KCNC2: variants seen among roughly 807,000 people sequenced by gnomAD.
The protein encoded by KCNC2 is voltage-gated potassium channel KCNC2.
KCNC2 carries 21 observed loss-of-function variants against 44.5 expected under a neutral mutation model. That is an observed-to-expected ratio of 0.47 (90% CI 0.33 to 0.68). The LOEUF is 0.68. Ranked by LOEUF, KCNC2 falls within the 30% of genes least tolerant of loss-of-function variation. The pLI is 0.01. For missense variants in KCNC2, 589 were observed against 826.2 expected, an observed-to-expected ratio of 0.71 and a Z score of 3.52; for synonymous variants, 391 against 339.1, an observed-to-expected ratio of 1.15 and a Z score of -1.68.
intron 2 of KCNC2, among the ~76,000 whole-genome samples, chr12:75,124,655 A>G (rs544810370): frequency 6.6e-6 from 1 of 152,182 alleles, no homozygotes; most frequent in Non-Finnish European, 1.5e-5. Context: ...CAGACTCATA[A>G]AATTTAAAAT....
intron 2 of KCNC2, among the ~76,000 whole-genome samples, chr12:75,119,634 T>TAAA (rs1887914241): frequency 6.6e-6 from 1 of 152,190 alleles, no homozygotes; most frequent in Non-Finnish European, 1.5e-5. Flanking sequence ...GTAAAGACTC[T>TAAA]TGCCCCAGAG....
At chr12:75,192,147 A>G (rs1565682485) in intron 2 of KCNC2, among the ~76,000 whole-genome samples, 1 of 152,196 alleles carries the variant, frequency 6.6e-6, no homozygotes, top group African/African-American at 2.4e-5. Flanking sequence ...GGATATTTCT[A>G]ATTTATTAAA....
At chr12:75,171,231 A>G (rs2137580465) in intron 2 of KCNC2, among the ~76,000 whole-genome samples, 1 of 151,926 alleles carries the variant, frequency 6.6e-6, no homozygotes, top group East Asian at 1.9e-4. Context: ...TACTTCGGCA[A>G]AATCCCTTCA....
intron 2 of KCNC2, among the ~76,000 whole-genome samples, chr12:75,205,454 A>C (rs536650686): frequency 6.6e-6 from 1 of 152,296 alleles, no homozygotes; most frequent in African/African-American, 2.4e-5. Context: ...GAAATATCGT[A>C]GTAAATGCTT....
chr12:75,159,262 G>T (rs1003532983), intron 2 of KCNC2, among the ~76,000 whole-genome samples: 1 of 151,600 alleles, frequency 6.6e-6, no homozygotes, highest in Non-Finnish European at 1.5e-5. Flanking sequence ...AGAATTTAAA[G>T]TATAATAAAA....
chr12:75,097,606 T>C (rs1234510413), intron 2 of KCNC2, among the ~76,000 whole-genome samples: 11 of 152,132 alleles, frequency 7.2e-5, no homozygotes, highest in Non-Finnish European at 1.3e-4. Context: ...TCTATTTTTC[T>C]ATTTTCTAAA....
chr12:75,142,044 T>C lies in KCNC2; in HGVS notation c.687+65253A>G, dbSNP rs2137409717. On this transcript the variant is annotated intron_variant, in intron 2 of 4. Coordinates refer to ENST00000549446, the MANE Select transcript of KCNC2 (RefSeq NM_139137.4). ...TACGCAAGTAGTAAGAGGGAATACC[T>C]GAATTCAAATTCAGGTCAGACTCTA... Among the ~76,000 whole-genome samples, 2 of 152,286 alleles carry C rather than the reference T, an allele frequency of 1.3e-5. 1 individual carries two copies. Among genetic ancestry groups the C allele is most frequent in the South Asian group, 4.1e-4 (2 of 4,830 alleles).
intron 2 of KCNC2, among the ~76,000 whole-genome samples, chr12:75,119,315 T>C (rs1468344406): frequency 1.3e-5 from 2 of 152,172 alleles, no homozygotes. Context: ...ATGTAGGTTT[T>C]GTTTAAAATG....
At chr12:75,131,356 A>T (rs1299519753) in intron 2 of KCNC2, among the ~76,000 whole-genome samples, 1 of 152,192 alleles carries the variant, frequency 6.6e-6, no homozygotes, top group Non-Finnish European at 1.5e-5. Flanking sequence ...CTTTTAAAAA[A>T]TTGTTGGATG....
At chr12:75,043,332 T>G in intron 4 of KCNC2, 91 bp from the exon 5 acceptor site, 1 of 1,502,122 alleles carries the variant, frequency 6.7e-7, no homozygotes, top group South Asian at 1.4e-5. Flanking sequence ...AAGTGCTACT[T>G]TCAAGCTCAA....
rs187621672 is a variant in KCNC2 at position 75,206,407 on chromosome 12, T to A, written c.687+890A>T. Among the ~76,000 whole-genome samples the A allele has an allele frequency of 1.6e-4, 25 of 152,340 alleles. No homozygotes were observed. The East Asian group carries it at 4.8e-3, about 29-fold the overall frequency. ...ATTGGTTACTTTTATAATCTCTTCA[T>A]GAGATTTTGAAGAATTAATTGGGAA... On this transcript the variant is annotated intron_variant, in intron 2 of 4. Transcript: ENST00000549446.
intron 2 of KCNC2, among the ~76,000 whole-genome samples, chr12:75,118,601 A>G (rs927209304): frequency 6.6e-6 from 1 of 152,126 alleles, no homozygotes; most frequent in African/African-American, 2.4e-5. Flanking sequence ...GTGAGGAAGC[A>G]GTAGTTTTTA....
intron 2 of KCNC2, among the ~76,000 whole-genome samples, chr12:75,190,147 G>C (rs1049442640): frequency 5.9e-5 from 9 of 152,084 alleles, no homozygotes; most frequent in Non-Finnish European, 1.0e-4. Context: ...AATTGAAAAA[G>C]AAACTTAAAT....
intron 2 of KCNC2, among the ~76,000 whole-genome samples, chr12:75,059,363 G>T (rs1043092945): frequency 3.3e-5 from 5 of 151,942 alleles, no homozygotes; most frequent in Admixed American, 3.3e-4. Context: ...AATATTTCTT[G>T]CCTTTTTCAC....
chr12:75,179,759 A>G (rs201249335), intron 2 of KCNC2, among the ~76,000 whole-genome samples: 1 of 84,544 alleles, frequency 1.2e-5, no homozygotes, highest in Non-Finnish European at 2.9e-5. Context: ...ATCTTTTATA[A>G]AAACTATAAA....
At chr12:75,188,810 G>T (rs369664384) in intron 2 of KCNC2, among the ~76,000 whole-genome samples, 16 of 151,862 alleles carry the variant, frequency 1.1e-4, no homozygotes, top group East Asian at 3.9e-4. Flanking sequence ...AGTGAACCGA[G>T]ATCATGCCAC....
intron 2 of KCNC2, among the ~76,000 whole-genome samples, chr12:75,057,402 G>T (rs1158728570): frequency 1.3e-5 from 2 of 151,924 alleles, no homozygotes; most frequent in Non-Finnish European, 2.9e-5. Context: ...TCCACTGTCT[G>T]GTCTGCTGGT....
chr12:75,083,479 T>C (rs577685136), intron 2 of KCNC2, among the ~76,000 whole-genome samples: 1 of 152,006 alleles, frequency 6.6e-6, no homozygotes, highest in South Asian at 2.1e-4. Context: ...GAATAACACA[T>C]TAGAAAACAT....
intron 2 of KCNC2, among the ~76,000 whole-genome samples, chr12:75,068,756 T>C (rs561581027): frequency 9.2e-5 from 14 of 152,258 alleles, no homozygotes; most frequent in Admixed American, 3.9e-4. Flanking sequence ...AAATGGGAAG[T>C]AATCAATGAC....
Sources: allele counts gnomAD v4.1 joint callset (sites outside exome capture counted in the v4.1 genomes callset), GRCh38; gene constraint gnomAD v4.1.1; transcripts MANE v1.5; gene names NCBI Gene and HGNC (gene_info 2026-07-23, HGNC 2026-07-21).